Variants in ADK observed in about 807,000 individuals in gnomAD.
ADK encodes N6,N6-dimethyladenosine kinase.
ADK carries 24 observed loss-of-function variants against 44.7 expected under a neutral mutation model. That is an observed-to-expected ratio of 0.54 (90% CI 0.39 to 0.76). ADK has a LOEUF of 0.76. Ranked by LOEUF, ADK falls within the 30% of genes least tolerant of loss-of-function variation. The pLI is 0.00. For synonymous variants in ADK, 128 were observed against 142.6 expected (o/e 0.90, Z 0.73); for missense variants, 321 against 425.1 (o/e 0.76, Z 2.15).
intron 4 of ADK, chr10:74,371,487 G>T: frequency 2.9e-6 from 2 of 685,730 alleles, no homozygotes; most frequent in South Asian, 1.6e-5. Flanking sequence ...ACGTCCATAC[G>T]GCGTTCTTTC....
At position 74,413,710 on chromosome 10, in the gene ADK, G is replaced by C. The variant is rs187252178; in HGVS notation, c.555+15131G>C. Among the ~76,000 whole-genome samples the C allele has an allele frequency of 3.9e-5, 6 of 152,264 alleles. No individual in the cohort carries two copies. The East Asian group carries it at 9.7e-4, about 24-fold the overall frequency. On this transcript the variant is annotated intron_variant, in intron 6 of 10. Coordinates refer to ENST00000539909, the MANE Select transcript of ADK (RefSeq NM_006721.4). ...GAGTAGCACTTTTAATTTTCTTCAA[G>C]AACTTTTTCTTTGCATTGAGAACTT... is the stretch of plus-strand genomic sequence containing the variant.
intron 3 of ADK, among the ~76,000 whole-genome samples, chr10:74,230,961 C>T (rs930632172): frequency 2.6e-5 from 4 of 152,056 alleles, no homozygotes; most frequent in East Asian, 1.9e-4. Context: ...GGATTATAGG[C>T]GTGAGCCACC....
intron 4 of ADK, among the ~76,000 whole-genome samples, chr10:74,373,845 G>A (rs1291097698): frequency 2.0e-5 from 3 of 152,122 alleles, no homozygotes; most frequent in African/African-American, 4.8e-5. Context: ...AATGTTTATA[G>A]CAGCATTATG....
At chr10:74,370,853 T>C (rs1842635731) in intron 4 of ADK, among the ~76,000 whole-genome samples, 1 of 152,144 alleles carries the variant, frequency 6.6e-6, no homozygotes, top group Non-Finnish European at 1.5e-5. Context: ...GGATTATAGA[T>C]GTGAGCCACT....
intron 3 of ADK, among the ~76,000 whole-genome samples, chr10:74,290,078 GCACACA>G (rs1554838780): frequency 4.7e-5 from 7 of 149,010 alleles, no homozygotes; most frequent in African/African-American, 1.7e-4. Context: ...CTACTCACGC[GCACACA>G]CACACACACA....
chr10:74,704,955 TGA>T (rs1226824190), intron 10 of ADK, among the ~76,000 whole-genome samples: 1 of 152,252 alleles, frequency 6.6e-6, no homozygotes, highest in Non-Finnish European at 1.5e-5. Flanking sequence ...CTAAACCTCT[TGA>T]GAGAGTGATT....
intron 1 of ADK, among the ~76,000 whole-genome samples, chr10:74,200,282 G>A (rs1050910119): frequency 1.3e-5 from 2 of 149,008 alleles, no homozygotes; most frequent in African/African-American, 2.5e-5. Context: ...TCAGGAGTTC[G>A]AGACCAGCCT....
intron 3 of ADK, among the ~76,000 whole-genome samples, chr10:74,285,698 A>G (rs190218226): frequency 2.0e-5 from 3 of 152,214 alleles, no homozygotes; most frequent in Middle Eastern, 3.4e-3. Context: ...ACAAAACAAA[A>G]CAAAAACCCA....
At chr10:74,424,380 C>T (rs557206505) in intron 6 of ADK, among the ~76,000 whole-genome samples, 1 of 151,190 alleles carries the variant, frequency 6.6e-6, no homozygotes, top group Non-Finnish European at 1.5e-5. Flanking sequence ...ACTAAAAATA[C>T]AAAATTAGCC....
chr10:74,195,974 G>C (rs1342740547), intron 1 of ADK, among the ~76,000 whole-genome samples: 1 of 151,702 alleles, frequency 6.6e-6, no homozygotes, highest in Non-Finnish European at 1.5e-5. Context: ...ACTGTGCCCA[G>C]CCAATTTTTT....
intron 3 of ADK, among the ~76,000 whole-genome samples, chr10:74,235,156 C>T (rs1321234356): frequency 1.7e-4 from 24 of 144,426 alleles, no homozygotes; most frequent in Admixed American, 9.7e-4. Flanking sequence ...TGAAACTTTC[C>T]GGTTTGACTT....
chr10:74,471,994 A>G (rs1589144576), intron 6 of ADK, among the ~76,000 whole-genome samples: 1 of 151,866 alleles, frequency 6.6e-6, no homozygotes, highest in East Asian at 1.9e-4. Flanking sequence ...TATGCCTCCT[A>G]TTTCCTCTTT....
chr10:74,474,677 GGGGT>G (rs1219271714), intron 6 of ADK, among the ~76,000 whole-genome samples: 1 of 150,974 alleles, frequency 6.6e-6, no homozygotes. Flanking sequence ...CATGTGTGTG[GGGGT>G]GTGTGTGTGT....
chr10:74,429,553 A>T (rs1338578458), intron 6 of ADK, among the ~76,000 whole-genome samples: 1 of 152,216 alleles, frequency 6.6e-6, no homozygotes, highest in African/African-American at 2.4e-5. Context: ...AGATTTAAAA[A>T]ATATCTATCA....
At chr10:74,594,192 G>T (rs978701393) in intron 8 of ADK, among the ~76,000 whole-genome samples, 7 of 151,784 alleles carry the variant, frequency 4.6e-5, no homozygotes, top group African/African-American at 1.2e-4. Flanking sequence ...GTTGTGGGGT[G>T]GGGGGTTGGG....
chr10:74,604,164 G>A (rs1852236677), intron 9 of ADK, among the ~76,000 whole-genome samples: 1 of 152,118 alleles, frequency 6.6e-6, no homozygotes, highest in African/African-American at 2.4e-5. Flanking sequence ...TTTGTCAGAT[G>A]GACAGATTGC....
At chr10:74,404,330 A>C (rs944800699) in intron 6 of ADK, among the ~76,000 whole-genome samples, 3 of 152,046 alleles carry the variant, frequency 2.0e-5, no homozygotes, top group African/African-American at 7.2e-5. Flanking sequence ...AATAAGAAAA[A>C]ATTCATATTT....
intron 3 of ADK, among the ~76,000 whole-genome samples, chr10:74,312,704 C>T (rs751079701): frequency 6.8e-6 from 1 of 147,954 alleles, no homozygotes; most frequent in Non-Finnish European, 1.5e-5. Flanking sequence ...CTCAGGAGTT[C>T]GAGATCTGCT....
At chr10:74,706,005 T>G (rs1400131235) in intron 10 of ADK, among the ~76,000 whole-genome samples, 1 of 152,236 alleles carries the variant, frequency 6.6e-6, no homozygotes, top group Non-Finnish European at 1.5e-5. Flanking sequence ...AGTATTTAAT[T>G]GTGACAAAGT....
Sources: allele counts gnomAD v4.1 joint callset (sites outside exome capture counted in the v4.1 genomes callset), GRCh38; gene constraint gnomAD v4.1.1; transcripts MANE v1.5; gene names NCBI Gene and HGNC (gene_info 2026-07-23, HGNC 2026-07-21).